Variants in LRRTM4 observed in about 807,000 individuals in gnomAD.
The protein encoded by LRRTM4 is leucine-rich repeat transmembrane neuronal protein 4.
In LRRTM4, 25 loss-of-function variants were observed where a neutral mutation model predicts 47.6. That is an observed-to-expected ratio of 0.53 (90% confidence interval 0.38 to 0.73). The LOEUF (loss-of-function observed/expected upper bound fraction) is 0.73, where lower values mean the gene tolerates loss of function less well. Among genes scored for constraint, LRRTM4 ranks in the 30% least tolerant of loss-of-function variants. The pLI, the probability that LRRTM4 is intolerant of heterozygous loss-of-function variation, is 0.00. For missense variants in LRRTM4, 638 were observed against 713.4 expected (o/e 0.89, Z 1.20); for synonymous variants, 311 against 269.5 (o/e 1.15, Z -1.51).
At chr2:77,008,396 T>G (rs993450440) in intron 3 of LRRTM4, among the ~76,000 whole-genome samples, 1 of 152,174 alleles carries the variant, frequency 6.6e-6, no homozygotes, top group Non-Finnish European at 1.5e-5. Flanking sequence ...TATCACAGAA[T>G]GTATGGTTCA....
At chr2:76,812,390 T>C (rs1385684603) in intron 3 of LRRTM4, among the ~76,000 whole-genome samples, 2 of 152,164 alleles carry the variant, frequency 1.3e-5, no homozygotes, top group Middle Eastern at 3.2e-3. Flanking sequence ...TGAGAAGGAA[T>C]AGTGGTTAAC....
At chr2:77,156,831 C>T (rs2103797744) in intron 3 of LRRTM4, among the ~76,000 whole-genome samples, 1 of 151,994 alleles carries the variant, frequency 6.6e-6, no homozygotes, top group South Asian at 2.1e-4. Flanking sequence ...CTCCGCCTCC[C>T]AAAGTGATGG....
At chr2:76,813,592 A>G (rs948853146) in intron 3 of LRRTM4, among the ~76,000 whole-genome samples, 2 of 152,162 alleles carry the variant, frequency 1.3e-5, no homozygotes, top group African/African-American at 4.8e-5. Flanking sequence ...AACAGTAAAA[A>G]AAAATAATCT....
intron 3 of LRRTM4, among the ~76,000 whole-genome samples, chr2:77,337,017 C>A (rs1671191933): frequency 6.6e-6 from 1 of 152,134 alleles, no homozygotes; most frequent in Non-Finnish European, 1.5e-5. Flanking sequence ...ACAACTTCAG[C>A]AAAGTTTAAG....
intron 3 of LRRTM4, among the ~76,000 whole-genome samples, chr2:77,074,863 T>C (rs1680280157): frequency 6.6e-6 from 1 of 152,142 alleles, no homozygotes; most frequent in Non-Finnish European, 1.5e-5. Flanking sequence ...TATTAAGTTA[T>C]GGTTTAAAGG....
intron 3 of LRRTM4, among the ~76,000 whole-genome samples, chr2:76,934,544 C>A (rs760342041): frequency 5.0e-4 from 76 of 152,028 alleles, no homozygotes; most frequent in Non-Finnish European, 9.6e-4. Flanking sequence ...TTTCTCCAGG[C>A]AAAAAAATTT....
rs768179560 is a variant in LRRTM4, at chr2:76,748,911, T to C, written c.1557A>G (p.Pro519=). The part of the protein sequence containing the change: ...TISGSRECEM[P]HHMKPLPYYS... ...AATATGGCAAGGGCTTCATGTGGTGTGGCATCTGGATATGAGAAATAGAAA... is the reference window on the plus strand; with the variant it reads ...AATATGGCAAGGGCTTCATGTGGTGCGGCATCTGGATATGAGAAATAGAAA... Residue 519 remains proline, a synonymous_variant, in exon 4 of 4, where the codon CCA becomes CCG. Transcript: ENST00000409884. 27 of 1,613,682 alleles carry C rather than the reference T, an allele frequency of 1.7e-5. No individual in the cohort carries two copies. The highest frequency in any genetic ancestry group is 2.2e-5 in the Non-Finnish European group (26 of 1,179,744).
At chr2:77,205,611 A>G (rs904543204) in intron 3 of LRRTM4, among the ~76,000 whole-genome samples, 1 of 152,188 alleles carries the variant, frequency 6.6e-6, no homozygotes, top group Non-Finnish European at 1.5e-5. Flanking sequence ...TGGAGTGAAG[A>G]GAGGTCAGAG....
chr2:77,188,127 C>G (rs954321607), intron 3 of LRRTM4, among the ~76,000 whole-genome samples: 1 of 152,138 alleles, frequency 6.6e-6, no homozygotes, highest in Non-Finnish European at 1.5e-5. Flanking sequence ...CATCACTGTT[C>G]TCACTTCCTT....
At chr2:77,509,941 C>T (rs542433529) in intron 3 of LRRTM4, among the ~76,000 whole-genome samples, 1 of 152,076 alleles carries the variant, frequency 6.6e-6, no homozygotes, top group Admixed American at 6.6e-5. Flanking sequence ...TGACCATCAA[C>T]CTAAAGTACT....
intron 3 of LRRTM4, among the ~76,000 whole-genome samples, chr2:76,943,448 AAATT>A (rs565225901): frequency 2.0e-5 from 3 of 152,196 alleles, no homozygotes; most frequent in African/African-American, 7.2e-5. Context: ...ACAAAAAAAT[AAATT>A]AATTAAATAA....
At chr2:77,426,111 C>T (rs1363670029) in intron 3 of LRRTM4, among the ~76,000 whole-genome samples, 1 of 149,890 alleles carries the variant, frequency 6.7e-6, no homozygotes, top group Non-Finnish European at 1.5e-5. Context: ...GAGTGAGACA[C>T]CGTCAAAAAA....
At chr2:77,433,394 C>A (rs535880263) in intron 3 of LRRTM4, among the ~76,000 whole-genome samples, 58 of 152,200 alleles carry the variant, frequency 3.8e-4, no homozygotes, top group African/African-American at 1.4e-3. Context: ...TGGGAAAGGT[C>A]AAACAGAATT....
intron 3 of LRRTM4, among the ~76,000 whole-genome samples, chr2:77,111,565 A>C (rs1400598415): frequency 1.3e-5 from 2 of 152,128 alleles, no homozygotes; most frequent in African/African-American, 2.4e-5. Flanking sequence ...GAGTAGGGTG[A>C]CAAAGTCTCT....
At chr2:76,789,625 A>G (rs901204987) in intron 3 of LRRTM4, among the ~76,000 whole-genome samples, 1 of 152,142 alleles carries the variant, frequency 6.6e-6, no homozygotes, top group Non-Finnish European at 1.5e-5. Flanking sequence ...CTTCTGGTCA[A>G]ACCTACTCCA....
chr2:76,793,252 C>G (rs1388661624), intron 3 of LRRTM4, among the ~76,000 whole-genome samples: 1 of 152,128 alleles, frequency 6.6e-6, no homozygotes. Context: ...TGTTCCTTGA[C>G]CTTTCCCAGT....
chr2:76,964,836 C>A (rs1242076802), intron 3 of LRRTM4, among the ~76,000 whole-genome samples: 1 of 150,416 alleles, frequency 6.6e-6, no homozygotes, highest in Non-Finnish European at 1.5e-5. Flanking sequence ...CAAAAATTAT[C>A]CATACCAGAT....
rs554562878 is a variant in LRRTM4 at position 76,952,148 on chromosome 2, C to T, written c.1552-203232G>A. On this transcript the variant is annotated intron_variant, in intron 3 of 3. Transcript: ENST00000409884. ...ATAGTAGGCTATAGTAGGCTTTTGG[C>T]AAAGTCTTTAGGGTTTTCTAGGTAT... Among the ~76,000 whole-genome samples the T allele has an allele frequency of 3.3e-5, 5 of 151,950 alleles. No homozygotes were observed. The East Asian group carries it at 9.8e-4, about 30-fold the overall frequency.
rs561034526 is a variant in LRRTM4 at position 77,003,328 on chromosome 2, T to C, written c.1552-254412A>G. 5.9e-5 allele frequency among the ~76,000 whole-genome samples: 9 copies of C among 152,226 alleles called. No individual in the cohort carries two copies. In the South Asian group the frequency reaches 1.2e-3, roughly 21 times the overall value. ...TTAACTACTTATGTAGAGCTTATAA[T>C]ATACTAGGAAGTTGATATGTATTGG... On this transcript the variant is annotated intron_variant, in intron 3 of 3. Transcript: ENST00000409884.
Sources: gnomAD v4.1 joint callset for allele counts (sites outside exome capture counted in the v4.1 genomes callset) on GRCh38, gnomAD v4.1.1 for gene constraint, MANE v1.5 for transcripts, NCBI Gene and HGNC (gene_info 2026-07-23, HGNC 2026-07-21) for gene names.